Variants in NRP1 observed in about 807,000 individuals in gnomAD.
NRP1 encodes neuropilin 1.
NRP1 carries 35 observed loss-of-function variants against 106.7 expected under a neutral mutation model. The observed-to-expected ratio is 0.33, with a 90% CI of 0.25 to 0.43. The LOEUF (loss-of-function observed/expected upper bound fraction) is 0.43. NRP1 is among the 20% of genes least tolerant of loss of function. The pLI, the probability that NRP1 is intolerant of heterozygous loss-of-function variation, is 1.00. For missense variants in NRP1, 1,024 were observed against 1,170.4 expected (o/e 0.87, Z 1.83); for synonymous variants, 437 against 417.9 (o/e 1.05, Z -0.56).
At chr10:33,188,910 A>C (rs201704074) in intron 13 of NRP1, among the ~76,000 whole-genome samples, 1 of 111,358 alleles carries the variant, frequency 9.0e-6, no homozygotes, top group African/African-American at 4.1e-5. Flanking sequence ...CCCTGTCTTA[A>C]ATATATATAT....
At chr10:33,223,349 G>T (rs545848672) in intron 7 of NRP1, among the ~76,000 whole-genome samples, 1 of 152,124 alleles carries the variant, frequency 6.6e-6, no homozygotes, top group Non-Finnish European at 1.5e-5. Context: ...GGCTGGGTGT[G>T]GTGGCTCATG....
intron 5 of NRP1, among the ~76,000 whole-genome samples, chr10:33,255,922 G>T (rs920814575): frequency 1.3e-5 from 2 of 152,148 alleles, no homozygotes; most frequent in Non-Finnish European, 1.5e-5. Flanking sequence ...CATACTTCGT[G>T]ACTGCTCTGT....
intron 2 of NRP1, among the ~76,000 whole-genome samples, chr10:33,279,620 T>G (rs1247054160): frequency 1.3e-5 from 2 of 152,212 alleles, no homozygotes; most frequent in African/African-American, 2.4e-5. Flanking sequence ...CAAAGCCTTT[T>G]GCAGCGGCTC....
intron 2 of NRP1, among the ~76,000 whole-genome samples, chr10:33,300,989 C>T (rs949230892): frequency 2.0e-5 from 3 of 152,160 alleles, no homozygotes; most frequent in Admixed American, 6.5e-5. Context: ...TAACTGAGAC[C>T]TGTCTCAGAT....
intron 6 of NRP1, 152 bp downstream of exon 6, chr10:33,253,876 C>T (rs1842025057): frequency 1.6e-6 from 1 of 608,186 alleles, no homozygotes; most frequent in Non-Finnish European, 2.7e-6. Flanking sequence ...TGGCCGTGAA[C>T]CTATCTTCTC....
At chr10:33,256,228 C>A (rs1588859096) in intron 5 of NRP1, 88 bp downstream of exon 5, 1 of 1,349,412 alleles carries the variant, frequency 7.4e-7, no homozygotes, top group East Asian at 2.3e-5. Flanking sequence ...CAAAACATTT[C>A]TTTAGTGCTT....
At chr10:33,273,370 G>A (rs538669609) in intron 2 of NRP1, among the ~76,000 whole-genome samples, 1 of 152,184 alleles carries the variant, frequency 6.6e-6, no homozygotes, top group Non-Finnish European at 1.5e-5. Flanking sequence ...AGCAGCTTGA[G>A]TCTCCCTCTG....
chr10:33,228,857 CA>C (rs1839888569), intron 6 of NRP1, among the ~76,000 whole-genome samples: 1 of 152,114 alleles, frequency 6.6e-6, no homozygotes, highest in Non-Finnish European at 1.5e-5. Flanking sequence ...AGAATACTAA[CA>C]ATAGATTTTA....
At chr10:33,261,776 C>T (rs943145384) in intron 4 of NRP1, among the ~76,000 whole-genome samples, 1 of 152,056 alleles carries the variant, frequency 6.6e-6, no homozygotes, top group Non-Finnish European at 1.5e-5. Flanking sequence ...TGCTCTGTTC[C>T]CCAGGCTGGA....
intron 6 of NRP1, among the ~76,000 whole-genome samples, chr10:33,247,171 T>A (rs1841487097): frequency 1.3e-5 from 2 of 152,210 alleles, no homozygotes; most frequent in Non-Finnish European, 2.9e-5. Flanking sequence ...AACAAGGGTT[T>A]CAAGTAACAA....
intron 2 of NRP1, among the ~76,000 whole-genome samples, chr10:33,273,668 C>A (rs1365933209): frequency 6.6e-6 from 1 of 152,186 alleles, no homozygotes. Context: ...AATGAAGGCA[C>A]CTGTTTGGCT....
chr10:33,210,356 C>A (rs939913097), intron 9 of NRP1, among the ~76,000 whole-genome samples: 1 of 152,078 alleles, frequency 6.6e-6, no homozygotes, highest in African/African-American at 2.4e-5. Context: ...ACTACATATG[C>A]AAGTTCTGTC....
intron 6 of NRP1, among the ~76,000 whole-genome samples, chr10:33,231,734 G>T (rs1360178451): frequency 6.6e-6 from 1 of 152,112 alleles, no homozygotes; most frequent in African/African-American, 2.4e-5. Flanking sequence ...CAGCATCAAG[G>T]AAAAGGTAAA....
rs564521736 is a variant in NRP1 at position 33,334,391 on chromosome 10, C to T, written c.-9G>A. 2.6e-6 allele frequency: 4 copies of T among 1,544,420 alleles called. No homozygotes were observed. Among genetic ancestry groups the T allele is most frequent in the East Asian group, 4.9e-5 (2 of 41,002 alleles). On this transcript the variant is annotated 5_prime_UTR_variant, in exon 1 of 17. Coordinates refer to ENST00000374867, the MANE Select transcript of NRP1 (RefSeq NM_003873.7). ...GGCAGCCCCCTCTCCATTCTCCCTT[C>T]TCCGGGTCCGCAGGCAGACGCGGGA...
chr10:33,304,518 C>T (rs1690384262), intron 2 of NRP1, among the ~76,000 whole-genome samples: 1 of 152,156 alleles, frequency 6.6e-6, no homozygotes, highest in Admixed American at 6.5e-5. Context: ...CACTGGTCTT[C>T]CCACTCTTTA....
chr10:33,299,713 G>A (rs1362235544), intron 2 of NRP1, among the ~76,000 whole-genome samples: 1 of 152,186 alleles, frequency 6.6e-6, no homozygotes, highest in Non-Finnish European at 1.5e-5. Flanking sequence ...TTGAGCCCAG[G>A]AGTTTGAGGC....
intron 2 of NRP1, among the ~76,000 whole-genome samples, chr10:33,327,750 T>G (rs1847991937): frequency 6.6e-6 from 1 of 152,192 alleles, no homozygotes; most frequent in Admixed American, 6.5e-5. Flanking sequence ...AGGTAAGTAT[T>G]TTGCCACATT....
chr10:33,239,932 G>A (rs117590075), intron 6 of NRP1, among the ~76,000 whole-genome samples: 1,708 of 152,238 alleles, frequency 0.011, 11 homozygotes, highest in Non-Finnish European at 0.02. Context: ...AACAACATCA[G>A]AATTTGACTG....
At chr10:33,214,205 A>C (rs1163764201) in intron 8 of NRP1, among the ~76,000 whole-genome samples, 1 of 152,146 alleles carries the variant, frequency 6.6e-6, no homozygotes, top group Admixed American at 6.5e-5. Flanking sequence ...CTCCCAGGGG[A>C]GGTGGCATTT....
Sources: gnomAD v4.1 joint callset for allele counts (sites outside exome capture counted in the v4.1 genomes callset) on GRCh38, gnomAD v4.1.1 for gene constraint, MANE v1.5 for transcripts, NCBI Gene and HGNC (gene_info 2026-07-23, HGNC 2026-07-21) for gene names.